The following DOCK5 variants were observed in gnomAD, a reference collection of about 807,000 sequenced individuals.
DOCK5 encodes dedicator of cytokinesis 5.
A neutral mutation model predicts 251.8 loss-of-function variants in DOCK5; 142 were observed. The ratio of observed to expected loss-of-function variants is 0.56; its 90% CI spans 0.49 to 0.65. The LOEUF (loss-of-function observed/expected upper bound fraction) is 0.65, where lower values mean the gene tolerates loss of function less well. Ranked by LOEUF, DOCK5 falls within the 30% of genes least tolerant of loss-of-function variation. The pLI, the probability that DOCK5 is intolerant of heterozygous loss-of-function variation, is 0.00. For synonymous variants in DOCK5, 842 were observed against 835.5 expected (o/e 1.01, Z -0.13); for missense variants, 2,111 against 2,312.3 (o/e 0.91, Z 1.79).
intron 15 of DOCK5, 108 bp from the exon 16 acceptor site, chr8:25,320,872 A>T: frequency 1.1e-6 from 1 of 892,442 alleles, no homozygotes; most frequent in Non-Finnish European, 1.8e-6. Flanking sequence ...CTCACTCTCT[A>T]GTAATTTGTG....
intron 8 of DOCK5, among the ~76,000 whole-genome samples, chr8:25,299,705 A>G (rs1305114839): frequency 1.3e-5 from 2 of 152,180 alleles, no homozygotes; most frequent in Admixed American, 6.5e-5. Context: ...CTAAGAAAAT[A>G]ATGTCTATTA....
chr8:25,367,043 G>C, intron 31 of DOCK5, 73 bp downstream of exon 31: 1 of 1,347,164 alleles, frequency 7.4e-7, no homozygotes, highest in Non-Finnish European at 1.0e-6. Flanking sequence ...AATATTTTAG[G>C]TATCACAGAA....
chr8:25,270,063 C>G (rs1254102149), intron 3 of DOCK5, among the ~76,000 whole-genome samples: 1 of 152,192 alleles, frequency 6.6e-6, no homozygotes, highest in Non-Finnish European at 1.5e-5. Flanking sequence ...TATGTGTACA[C>G]ATACACATTT....
chr8:25,330,258 G>A (rs1805652664), intron 18 of DOCK5, among the ~76,000 whole-genome samples: 1 of 152,028 alleles, frequency 6.6e-6, no homozygotes, highest in African/African-American at 2.4e-5. Context: ...GTTTCCTTAG[G>A]GCTACTGGTT....
chr8:25,397,337 G>A (rs1354156828), intron 45 of DOCK5, among the ~76,000 whole-genome samples: 2 of 152,194 alleles, frequency 1.3e-5, no homozygotes, highest in East Asian at 1.9e-4. Context: ...ACATAGAGTC[G>A]AGGCTTCACC....
chr8:25,201,412 A>G (rs1367620687), intron 1 of DOCK5, among the ~76,000 whole-genome samples: 2 of 152,260 alleles, frequency 1.3e-5, no homozygotes, highest in Non-Finnish European at 1.5e-5. Context: ...TCTATAGTCT[A>G]ACAGTATCAC....
intron 3 of DOCK5, among the ~76,000 whole-genome samples, chr8:25,270,621 G>A (rs892141771): frequency 5.9e-5 from 9 of 152,080 alleles, no homozygotes; most frequent in Non-Finnish European, 1.2e-4. Context: ...AGGAACAAAC[G>A]AAACTCTTGG....
intron 27 of DOCK5, among the ~76,000 whole-genome samples, chr8:25,354,041 A>C (rs923578842): frequency 9.1e-6 from 1 of 109,818 alleles, no homozygotes; most frequent in African/African-American, 3.2e-5. Flanking sequence ...AAAAAAAAAA[A>C]AAAAAAACAA....
rs1400493942 is a variant in DOCK5, at chr8:25,325,388, G to A, written c.1744G>A (p.Ala582Thr). The change falls in exon 18 of 52, where the codon GCT (alanine) becomes ACT (threonine). Residue 582 changes from alanine (A) to threonine (T), a missense_variant. Ala to Thr is a moderately conservative substitution (Grantham distance 58). Around this residue, in one of 3 missense-constraint regions of DOCK5, gnomAD observed 1,717 missense variants for 1,892.4 expected, o/e 0.91. Transcript: ENST00000276440. ...YKGDNKKMEDAKFYLTLPGTK... is the reference protein window; with the variant it reads ...YKGDNKKMEDTKFYLTLPGTK... ...GGGTGACAACAAAAAAATGGAAGAT[G>A]CTAAATTCTACCTGACCCTGCCTGG... 5 of 1,613,802 alleles carry A rather than the reference G, an allele frequency of 3.1e-6. No individual in the cohort carries two copies. The highest frequency in any genetic ancestry group is 4.2e-6 in the Non-Finnish European group (5 of 1,179,804).
At chr8:25,235,799 CTTT>C (rs924321586) in intron 1 of DOCK5, among the ~76,000 whole-genome samples, 1 of 128,596 alleles carries the variant, frequency 7.8e-6, no homozygotes, top group African/African-American at 3.0e-5. Flanking sequence ...TTTTCTTTTC[CTTT>C]TTTTTTTTTT....
intron 40 of DOCK5, among the ~76,000 whole-genome samples, chr8:25,386,811 G>A (rs1036687090): frequency 5.3e-5 from 8 of 152,096 alleles, no homozygotes; most frequent in South Asian, 2.1e-4. Flanking sequence ...AAGCATTCTC[G>A]TCTAAATCAC....
At chr8:25,356,341 G>A (rs17053431) in intron 27 of DOCK5, among the ~76,000 whole-genome samples, 1 of 152,148 alleles carries the variant, frequency 6.6e-6, no homozygotes, top group South Asian at 2.1e-4. Flanking sequence ...GGAAAATGAA[G>A]GTTTTTAGTA....
chr8:25,360,500 G>T (rs1004252068), intron 28 of DOCK5, among the ~76,000 whole-genome samples: 2 of 152,182 alleles, frequency 1.3e-5, no homozygotes, highest in African/African-American at 4.8e-5. Flanking sequence ...GCGGGTAAGA[G>T]CACAGGCCTT....
rs1563206177 is a variant in DOCK5 at position 25,336,255 on chromosome 8, C to G, written c.2209C>G (p.Leu737Val). ...TCTTCTAAGGAAACTCTCCAAGGTA[C>G]TGAACTTCTATGTGGCTAATGCAGA... Reference protein sequence around the residue: ...TLAYVKLSKVLNFYVANADDS... With the variant: ...TLAYVKLSKVVNFYVANADDS... The change falls in exon 22 of 52, where the codon CTG (leucine) becomes GTG (valine). Residue 737 changes from leucine (L) to valine (V), a missense_variant. Transcript: ENST00000276440. 2 of 1,613,540 alleles carry G rather than the reference C, an allele frequency of 1.2e-6. No individual in the cohort carries two copies. The highest frequency in any genetic ancestry group is 1.7e-6 in the Non-Finnish European group (2 of 1,179,532).
At chr8:25,216,086 T>C (rs1277744950) in intron 1 of DOCK5, among the ~76,000 whole-genome samples, 1 of 149,034 alleles carries the variant, frequency 6.7e-6, no homozygotes, top group Non-Finnish European at 1.5e-5. Flanking sequence ...GTATACAACA[T>C]ATGTACACAA....
Position 25,299,069 on chromosome 8 carries a change from C to A in DOCK5, c.732C>A (p.Ala244=), listed in dbSNP as rs761567650. The change falls in exon 8 of 52, where the codon GCC becomes GCA. Residue 244 remains alanine (A), a synonymous_variant. Transcript: ENST00000276440. ...NIGEDAELFM[A]LYDPDQSTFI... ...GGGAAGATGCAGAGTTGTTTATGGCCCTCTACGACCCAGACCAGTCCACTT... is the reference window on the plus strand; with the variant it reads ...GGGAAGATGCAGAGTTGTTTATGGCACTCTACGACCCAGACCAGTCCACTT... The A allele has an allele frequency of 6.2e-7, 1 of 1,613,776 alleles. No homozygotes were observed.
Position 25,296,521 on chromosome 8 carries a change from G to A in DOCK5, c.479G>A (p.Gly160Glu), listed in dbSNP as rs1299708673. The A allele has an allele frequency of 8.1e-6, 13 of 1,609,326 alleles. No individual in the cohort carries two copies. The highest frequency in any genetic ancestry group is 1.1e-5 in the South Asian group (1 of 89,884). ...AKIDHGNRML[G>E]LDLVVRDDNG... ...TACTCCTTTCTCTCCAGAATGCTGG[G>A]GTTAGATCTGGTGGTGCGAGATGAC... Residue 160 changes from glycine (G) to glutamate (E), a missense_variant, in exon 7 of 52, where the codon GGG becomes GAG. Transcript: ENST00000276440.
intron 21 of DOCK5, among the ~76,000 whole-genome samples, chr8:25,334,447 G>A (rs1032624868): frequency 3.3e-5 from 5 of 152,178 alleles, no homozygotes; most frequent in Non-Finnish European, 5.9e-5. Flanking sequence ...TAGGCCAGGC[G>A]TGGTTGCTCA....
chr8:25,296,776 A>T, intron 7 of DOCK5, 128 bp downstream of exon 7: 1 of 1,180,046 alleles, frequency 8.5e-7, no homozygotes, highest in Non-Finnish European at 1.2e-6. Context: ...TTAAAAGTGA[A>T]ACATAGCAGA....
Sources: allele counts gnomAD v4.1 joint callset (sites outside exome capture counted in the v4.1 genomes callset), GRCh38; gene constraint gnomAD v4.1.1; regional missense constraint gnomAD v4.1.1; transcripts MANE v1.5; gene names NCBI Gene and HGNC (gene_info 2026-07-23, HGNC 2026-07-21).